FGGY: variants seen among roughly 807,000 people sequenced by gnomAD.
The protein encoded by FGGY is FGGY carbohydrate kinase domain-containing protein.
In FGGY, 72 loss-of-function variants were observed where a neutral mutation model predicts 71.3. The ratio of observed to expected loss-of-function variants is 1.01; its 90% CI spans 0.84 to 1.23. FGGY has a LOEUF of 1.23. FGGY is among the 50% of genes most tolerant of loss of function. FGGY has a pLI of 0.00. For synonymous variants in FGGY, 251 were observed against 250.3 expected (o/e 1.00, Z -0.02); for missense variants, 668 against 682.3 (o/e 0.98, Z 0.23).
At chr1:59,387,037 T>C (rs959541455) in intron 5 of FGGY, among the ~76,000 whole-genome samples, 2 of 152,084 alleles carry the variant, frequency 1.3e-5, no homozygotes, top group African/African-American at 2.4e-5. Context: ...AAAATAATTA[T>C]TACGTTTCTG....
In FGGY at chr1:59,708,139, G is replaced by T. The variant is rs191562982; in HGVS notation, c.1512+34006G>T. 1.8e-3 allele frequency among the ~76,000 whole-genome samples: 268 copies of T among 152,202 alleles called. 1 individual carries two copies. Among genetic ancestry groups the T allele is most frequent in the Non-Finnish European group, 4.4e-4 (30 of 68,010 alleles). On this transcript the variant is annotated intron_variant, in intron 14 of 15. Transcript: ENST00000303721. ...GCCCTTGTGAATGCAGCCAATACAGGGACAAAAAGTCTTTGGGCTTCTCTA... is the reference window on the plus strand; with the variant it reads ...GCCCTTGTGAATGCAGCCAATACAGTGACAAAAAGTCTTTGGGCTTCTCTA...
intron 5 of FGGY, among the ~76,000 whole-genome samples, chr1:59,412,016 G>A (rs2063677492): frequency 6.6e-6 from 1 of 152,172 alleles, no homozygotes; most frequent in Non-Finnish European, 1.5e-5. Context: ...TGCTAAAGCA[G>A]TAGATATTTT....
intron 6 of FGGY, among the ~76,000 whole-genome samples, chr1:59,479,841 T>G (rs530876429): frequency 6.6e-6 from 1 of 152,304 alleles, no homozygotes; most frequent in East Asian, 1.9e-4. Context: ...CCAGCAGCAC[T>G]CAGCATCTGG....
At chr1:59,679,431 T>A (rs1345669741) in intron 14 of FGGY, among the ~76,000 whole-genome samples, 1 of 152,104 alleles carries the variant, frequency 6.6e-6, no homozygotes, top group Admixed American at 6.6e-5. Flanking sequence ...TGAAATACCG[T>A]AGATGTTCAG....
intron 10 of FGGY, among the ~76,000 whole-genome samples, chr1:59,627,487 T>TACAC (rs1278159442): frequency 1.1e-4 from 12 of 109,598 alleles, no homozygotes; most frequent in African/African-American, 4.2e-4. Flanking sequence ...TATATATATA[T>TACAC]ATACACACAC....
rs780507277 is a variant in FGGY at position 59,762,597 on chromosome 1, G to T, written c.*13G>T. ...GAATGATGACTGAACAGGGCTTGCAGGTGCTGATGCCAGAAGCTTCTGTGC... is the reference window on the plus strand; with the variant it reads ...GAATGATGACTGAACAGGGCTTGCATGTGCTGATGCCAGAAGCTTCTGTGC... On this transcript the variant is annotated 3_prime_UTR_variant, in exon 16 of 16. Coordinates refer to ENST00000303721, the MANE Select transcript of FGGY (RefSeq NM_018291.5). 6.2e-7 allele frequency: 1 copy of T among 1,608,448 alleles called. No homozygotes were observed. Among genetic ancestry groups the T allele is most frequent in the Non-Finnish European group, 8.5e-7 (1 of 1,175,820 alleles).
intron 8 of FGGY, among the ~76,000 whole-genome samples, chr1:59,592,865 G>T (rs138024315): frequency 0.022 from 3,287 of 152,174 alleles, 60 homozygotes; most frequent in Middle Eastern, 0.041. Context: ...TAGCACACCA[G>T]CATGGCACAT....
intron 6 of FGGY, among the ~76,000 whole-genome samples, chr1:59,473,245 C>G (rs907685832): frequency 6.6e-6 from 1 of 152,018 alleles, no homozygotes; most frequent in Non-Finnish European, 1.5e-5. Context: ...ACGAACCCAC[C>G]GGGAGGAACG....
chr1:59,721,578 T>A (rs1411162875), intron 14 of FGGY, among the ~76,000 whole-genome samples: 3 of 152,132 alleles, frequency 2.0e-5, no homozygotes, highest in Non-Finnish European at 4.4e-5. Context: ...CCTCAAGTGA[T>A]CCACCTGCCT....
chr1:59,554,108 T>C lies in FGGY; in HGVS notation c.800-16T>C. 1 of 1,575,510 alleles carries C rather than the reference T, an allele frequency of 6.3e-7. No individual in the cohort carries two copies. The highest frequency in any genetic ancestry group is 1.4e-5 in the African/African-American group (1 of 73,988). On this transcript the variant is annotated splice_polypyrimidine_tract_variant and intron_variant, in intron 7 of 15. Coordinates refer to ENST00000303721, the MANE Select transcript of FGGY (RefSeq NM_018291.5). ...ATGTGTTAAAGAGGATTTGTTTTTG[T>C]TTTCCTTTCTCACAGGAGTGATTGG... is the stretch of plus-strand genomic sequence containing the variant.
In FGGY at chr1:59,372,799, A is replaced by T. The variant is rs553395404; in HGVS notation, c.466-5950A>T. Among the ~76,000 whole-genome samples the T allele has an allele frequency of 1.0e-3, 157 of 152,296 alleles. 4 individuals carry two copies. The highest frequency in any genetic ancestry group is 0.01 in the Admixed American group (154 of 15,296). On this transcript the variant is annotated intron_variant, in intron 4 of 15. Coordinates refer to ENST00000303721, the MANE Select transcript of FGGY (RefSeq NM_018291.5). ...TAATCCAGCATATAAACAGAACCAA[A>T]GACAAAAACCACATGATTATCTCAA... is the stretch of plus-strand genomic sequence containing the variant.
intron 14 of FGGY, among the ~76,000 whole-genome samples, chr1:59,725,649 G>C (rs1317212923): frequency 6.6e-6 from 1 of 150,576 alleles, no homozygotes. Flanking sequence ...TTTTTTTGCA[G>C]CATGCTATTT....
chr1:59,679,312 A>AT (rs56238250), intron 14 of FGGY, among the ~76,000 whole-genome samples: 65 of 147,998 alleles, frequency 4.4e-4, no homozygotes, highest in South Asian at 8.5e-4. Context: ...ACTTTCTGTG[A>AT]TTTTTTTTTT....
intron 14 of FGGY, among the ~76,000 whole-genome samples, chr1:59,684,198 G>A (rs2097527309): frequency 6.6e-6 from 1 of 152,178 alleles, no homozygotes; most frequent in Admixed American, 6.5e-5. Flanking sequence ...GGCACAGATG[G>A]ATACAGTTAT....
chr1:59,427,386 A>G (rs1405933959), intron 5 of FGGY, among the ~76,000 whole-genome samples: 2 of 152,168 alleles, frequency 1.3e-5, no homozygotes, highest in Non-Finnish European at 2.9e-5. Context: ...CACTAACTGC[A>G]TAGCTGCTGC....
At chr1:59,370,638 G>T (rs956834651) in intron 4 of FGGY, among the ~76,000 whole-genome samples, 1 of 151,830 alleles carries the variant, frequency 6.6e-6, no homozygotes, top group Admixed American at 6.6e-5. Flanking sequence ...AGGAAAAAAT[G>T]TTAAGGGCAG....
intron 4 of FGGY, among the ~76,000 whole-genome samples, chr1:59,354,020 C>T (rs2053792388): frequency 6.6e-6 from 1 of 152,168 alleles, no homozygotes; most frequent in African/African-American, 2.4e-5. Flanking sequence ...CTTTTCTAAG[C>T]ATTTTACCCA....
In FGGY at chr1:59,712,036, C is replaced by G. The variant is rs555021198; in HGVS notation, c.1512+37903C>G. ...AAGGCAAGTCCCTTCTGCCTATGAGCATGTAAAATCAAAAGCAAGTTAGTT... is the reference window on the plus strand; with the variant it reads ...AAGGCAAGTCCCTTCTGCCTATGAGGATGTAAAATCAAAAGCAAGTTAGTT... On this transcript the variant is annotated intron_variant, in intron 14 of 15. Coordinates refer to ENST00000303721, the MANE Select transcript of FGGY (RefSeq NM_018291.5). 2.0e-5 allele frequency among the ~76,000 whole-genome samples: 3 copies of G among 152,306 alleles called. No individual in the cohort carries two copies. The East Asian group carries it at 5.8e-4, about 29-fold the overall frequency.
At chr1:59,562,791 AG>A (rs1558360159) in intron 8 of FGGY, among the ~76,000 whole-genome samples, 2 of 152,218 alleles carry the variant, frequency 1.3e-5, no homozygotes, top group Non-Finnish European at 2.9e-5. Flanking sequence ...AAGGGGCACA[AG>A]GAAAGATTTG....
Sources: allele counts gnomAD v4.1 joint callset (sites outside exome capture counted in the v4.1 genomes callset), GRCh38; gene constraint gnomAD v4.1.1; transcripts MANE v1.5; gene names NCBI Gene and HGNC (gene_info 2026-07-23, HGNC 2026-07-21).